The following GUCY1B1 variants were observed in gnomAD, a reference collection of about 807,000 sequenced individuals.
The protein encoded by GUCY1B1 is guanylate cyclase soluble subunit beta-1.
In GUCY1B1, 43 loss-of-function variants were observed where a neutral mutation model predicts 71.0. The ratio of observed to expected loss-of-function variants is 0.61; its 90% confidence interval spans 0.47 to 0.78. The LOEUF (loss-of-function observed/expected upper bound fraction) is 0.78. GUCY1B1 is among the 30% of genes least tolerant of loss of function. The pLI is 0.00. For missense variants in GUCY1B1, 535 were observed against 754.1 expected (o/e 0.71, Z 3.40); for synonymous variants, 266 against 259.7 (o/e 1.02, Z -0.23).
At chr4:155,786,123 A>C (rs1738746660) in intron 4 of GUCY1B1, among the ~76,000 whole-genome samples, 1 of 151,946 alleles carries the variant, frequency 6.6e-6, no homozygotes, top group Non-Finnish European at 1.5e-5. Context: ...TGCTTGAGTG[A>C]AAGTAGAAAT....
intron 5 of GUCY1B1, among the ~76,000 whole-genome samples, chr4:155,790,487 A>C (rs1739081966): frequency 2.0e-5 from 3 of 152,172 alleles, no homozygotes; most frequent in Admixed American, 2.0e-4. Flanking sequence ...GATGATTTCA[A>C]GGTACTGATA....
intron 13 of GUCY1B1, 59 bp from the exon 14 acceptor site, chr4:155,806,327 G>T (rs1740310901): frequency 2.9e-6 from 3 of 1,041,888 alleles, no homozygotes; most frequent in Non-Finnish European, 4.5e-6. Context: ...ATATTTAATT[G>T]ATATTATAAA....
rs181783185 is a variant in GUCY1B1 at position 155,800,742 on chromosome 4, C to T, written c.1175+668C>T. 2.0e-5 allele frequency among the ~76,000 whole-genome samples: 3 copies of T among 152,206 alleles called. No homozygotes were observed. In the East Asian group the frequency reaches 5.8e-4, roughly 29 times the overall value. On this transcript the variant is annotated intron_variant, in intron 9 of 13. Coordinates refer to ENST00000264424, the MANE Select transcript of GUCY1B1 (RefSeq NM_000857.5). ...AGTACATAGCATGCATACTACTTGG[C>T]CTTGCTTTCATATGCTAATTAAACG...
intron 5 of GUCY1B1, among the ~76,000 whole-genome samples, chr4:155,791,675 G>A (rs1274791706): frequency 2.7e-5 from 4 of 149,066 alleles, no homozygotes; most frequent in South Asian, 4.3e-4. Flanking sequence ...AGGTTGCAGT[G>A]AGCCGAAATT....
chr4:155,802,180 A>G lies in GUCY1B1; in HGVS notation c.1176-162A>G. ...TTATGTTTTCTGTAAATCCTTGCTT[A>G]TAAATACAGCTAATATTTGATGCTA... On this transcript the variant is annotated intron_variant, in intron 9 of 13. Transcript: ENST00000264424. The surrounding 1 kb of genome is among the most constrained non-coding windows in gnomAD (Gnocchi z 4.3). 1 of 1,453,248 alleles carries G rather than the reference A, an allele frequency of 6.9e-7. No homozygotes were observed. The highest frequency in any genetic ancestry group is 9.1e-7 in the Non-Finnish European group (1 of 1,101,662). 90.0% of individuals were successfully genotyped at this position (1,453,248 alleles called of 1,614,324 possible). A position where few individuals can be genotyped will look rare whatever the true frequency, so the allele number is the denominator to read the frequency against.
In GUCY1B1 at chr4:155,805,218, A is replaced by T. The variant is rs1740236225; in HGVS notation, c.1825A>T (p.Thr609Ser). The change falls in exon 13 of 14, where the codon ACA (threonine) becomes TCA (serine). Residue 609 changes from threonine to serine, a missense_variant. Physicochemically the swap from Thr to Ser is moderately conservative, Grantham distance 58 (BLOSUM62 1). Coordinates refer to ENST00000264424, the MANE Select transcript of GUCY1B1 (RefSeq NM_000857.5). Reference protein sequence around the residue: ...MQVWFLSRKNTGTEETKQDDD With the variant: ...MQVWFLSRKNSGTEETKQDDD ...AGTTTGGTTTCTATCCAGAAAAAAT[A>T]CAGGAACAGAGGTATGACTAATCAA... is the stretch of plus-strand genomic sequence containing the variant. 6.2e-7 allele frequency: 1 copy of T among 1,609,454 alleles called. No individual in the cohort carries two copies. Among genetic ancestry groups the T allele is most frequent in the African/African-American group, 1.3e-5 (1 of 74,988 alleles).
At chr4:155,775,119 A>C (rs2111029330) in intron 3 of GUCY1B1, 51 bp downstream of exon 3, 75 of 909,606 alleles carry the variant, frequency 8.2e-5, no homozygotes, top group Middle Eastern at 2.1e-4. Flanking sequence ...GTAGAAGCTC[A>C]CAGAATGCAT....
chr4:155,772,802 C>T, intron 2 of GUCY1B1: 1 of 702,276 alleles, frequency 1.4e-6, no homozygotes, highest in Non-Finnish European at 2.6e-6. Context: ...CTCTGAAATG[C>T]AGATCTCTGT....
At chr4:155,804,489 C>T (rs1740176299) in intron 11 of GUCY1B1, 104 bp from the exon 12 acceptor site, 1 of 836,290 alleles carries the variant, frequency 1.2e-6, no homozygotes, top group Non-Finnish European at 1.9e-6. Context: ...TGTAACAAAC[C>T]TGCACCTTCT....
At position 155,777,944 on chromosome 4, in the gene GUCY1B1, A is replaced by T. The variant is rs1359866871; in HGVS notation, c.297+302A>T. Among the ~76,000 whole-genome samples, 3 of 152,060 alleles carry T rather than the reference A, an allele frequency of 2.0e-5. No homozygotes were observed. The East Asian group carries it at 5.8e-4, about 29-fold the overall frequency. On this transcript the variant is annotated intron_variant, in intron 4 of 13. Transcript: ENST00000264424. ...GTTCAACTGCCCTTTTTTTGGGGTAATGGCTCTATATCCTAGTGATTGTGG... is the reference window on the plus strand; with the variant it reads ...GTTCAACTGCCCTTTTTTTGGGGTATTGGCTCTATATCCTAGTGATTGTGG...
intron 2 of GUCY1B1, 102 bp downstream of exon 2, chr4:155,759,962 C>G (rs920952028): frequency 2.4e-6 from 2 of 816,798 alleles, no homozygotes; most frequent in African/African-American, 3.5e-5. Flanking sequence ...GTCGCGGGCG[C>G]GCATCCTTGG....
intron 2 of GUCY1B1, chr4:155,772,512 T>A (rs1454632403): frequency 2.0e-6 from 1 of 502,428 alleles, no homozygotes; most frequent in African/African-American, 1.9e-5. Flanking sequence ...CTCCCGAGGC[T>A]CAAGCAATAT....
At chr4:155,788,071 T>A (rs1738919084) in intron 4 of GUCY1B1, among the ~76,000 whole-genome samples, 1 of 152,224 alleles carries the variant, frequency 6.6e-6, no homozygotes, top group South Asian at 2.1e-4. Flanking sequence ...CCATAACAAA[T>A]GACCACAAAC....
intron 4 of GUCY1B1, among the ~76,000 whole-genome samples, chr4:155,780,986 A>G (rs1268023805): frequency 2.0e-5 from 3 of 152,046 alleles, no homozygotes; most frequent in Non-Finnish European, 2.9e-5. Flanking sequence ...TAGCTGAGCA[A>G]CTCTGACTCA....
At chr4:155,788,261 C>T (rs113573491) in intron 4 of GUCY1B1, among the ~76,000 whole-genome samples, 2,200 of 152,284 alleles carry the variant, frequency 0.014, 52 homozygotes, top group African/African-American at 0.049. Flanking sequence ...CAGTTCCATG[C>T]AGTTATAGGG....
chr4:155,801,294 T>G (rs1739935889), intron 9 of GUCY1B1, among the ~76,000 whole-genome samples: 1 of 152,208 alleles, frequency 6.6e-6, no homozygotes. Flanking sequence ...TTCGAGTTAC[T>G]GTGCTTCAAA....
intron 4 of GUCY1B1, among the ~76,000 whole-genome samples, 168 bp downstream of exon 4, chr4:155,777,810 G>A (rs766490736): frequency 9.9e-5 from 15 of 152,090 alleles, no homozygotes; most frequent in African/African-American, 3.4e-4. Context: ...GGAGCGTCTC[G>A]AATACATTTT....
At chr4:155,797,255 T>C (rs1029098851) in intron 8 of GUCY1B1, among the ~76,000 whole-genome samples, 1 of 152,170 alleles carries the variant, frequency 6.6e-6, no homozygotes, top group African/African-American at 2.4e-5. Context: ...CATTATGTAG[T>C]AACACAGTCA....
chr4:155,785,256 A>C, intron 4 of GUCY1B1: 1 of 1,325,608 alleles, frequency 7.5e-7, no homozygotes, highest in Non-Finnish European at 1.0e-6. Context: ...TGATTTTATG[A>C]AGCCTAGAAG....
Sources: allele counts gnomAD v4.1 joint callset (sites outside exome capture counted in the v4.1 genomes callset), GRCh38; gene constraint gnomAD v4.1.1; non-coding constraint Gnocchi (gnomAD v3.1); transcripts MANE v1.5; gene names NCBI Gene and HGNC (gene_info 2026-07-23, HGNC 2026-07-21).